The following HDX variants were observed in gnomAD, a reference collection of about 807,000 sequenced individuals.
HDX encodes chromosome X open reading frame 43.
A neutral mutation model predicts 45.2 loss-of-function variants in HDX; 19 were observed. That is an observed-to-expected ratio of 0.42 (90% CI 0.29 to 0.62). HDX has a LOEUF of 0.62. HDX is among the 20% of genes least tolerant of loss of function. The pLI, the probability that HDX is intolerant of heterozygous loss-of-function variation, is 0.20. For synonymous variants in HDX, 188 were observed against 172.8 expected (o/e 1.09, Z -0.69); for missense variants, 532 against 493.9 (o/e 1.08, Z -0.73).
At chrX:84,430,300 T>A (rs1243703817) in intron 5 of HDX, among the ~76,000 whole-genome samples, 1 of 111,214 alleles carries the variant, frequency 9.0e-6, no homozygotes, top group East Asian at 2.8e-4. Flanking sequence ...TTATTTTATT[T>A]AAAATAATGT....
At chrX:84,367,081 C>G (rs994398555) in intron 5 of HDX, among the ~76,000 whole-genome samples, 1 of 111,150 alleles carries the variant, frequency 9.0e-6, no homozygotes, top group East Asian at 2.9e-4. Context: ...AATGGGAGAA[C>G]ATTTTTGCAA....
chrX:84,344,887 T>C (rs1362198088), intron 6 of HDX, among the ~76,000 whole-genome samples: 1 of 111,289 alleles, frequency 9.0e-6, no homozygotes, highest in Non-Finnish European at 1.9e-5. Flanking sequence ...CTTTTTTCTG[T>C]TTTTGTTTTG....
chrX:84,397,561 G>A (rs2038594472), intron 5 of HDX, among the ~76,000 whole-genome samples: 1 of 111,266 alleles, frequency 9.0e-6, no homozygotes, highest in African/African-American at 3.3e-5. Context: ...ACATTTGGGA[G>A]TCTCACCAGT....
At chrX:84,345,738 C>T (rs748132250) in intron 6 of HDX, among the ~76,000 whole-genome samples, 3 of 111,558 alleles carry the variant, frequency 2.7e-5, no homozygotes, top group Non-Finnish European at 3.8e-5. Flanking sequence ...GGCCATTTTA[C>T]ATTCTTATCA....
At chrX:84,338,423 T>C (rs1275155743) in intron 7 of HDX, among the ~76,000 whole-genome samples, 1 of 110,636 alleles carries the variant, frequency 9.0e-6, no homozygotes, top group East Asian at 2.9e-4. Flanking sequence ...CAAATTAACA[T>C]ATCCATTATC....
At chrX:84,389,242 G>A (rs918132822) in intron 5 of HDX, among the ~76,000 whole-genome samples, 11 of 111,652 alleles carry the variant, frequency 9.9e-5, no homozygotes, top group African/African-American at 3.6e-4. Flanking sequence ...TTTGCTCTTC[G>A]GCTTTCTCAG....
Position 84,391,829 on chromosome X carries a change from C to T in HDX, c.1306-30217G>A, listed in dbSNP as rs1006537474. Among the ~76,000 whole-genome samples, 3 of 111,566 alleles carry T rather than the reference C, an allele frequency of 2.7e-5. No individual in the cohort carries two copies. In the East Asian group the frequency reaches 8.4e-4, roughly 31 times the overall value. ...GAGTTATTAGAGTCCCTTGTATATT[C>T]TGGATATTAGTCCCTTATCAAATGA... On this transcript the variant is annotated intron_variant, in intron 5 of 10. Transcript: ENST00000373177.
At chrX:84,406,053 C>T (rs2050580667) in intron 5 of HDX, among the ~76,000 whole-genome samples, 1 of 110,406 alleles carries the variant, frequency 9.1e-6, no homozygotes, top group Non-Finnish European at 1.9e-5. Flanking sequence ...AATATGTGTC[C>T]GTGAATCTGT....
intron 5 of HDX, among the ~76,000 whole-genome samples, chrX:84,388,959 T>C (rs1294445281): frequency 1.8e-5 from 2 of 111,758 alleles, no homozygotes; most frequent in Admixed American, 1.9e-4. Flanking sequence ...AACTGTGGTG[T>C]AAGTTGAGTA....
At chrX:84,410,888 A>T (rs2038967142) in intron 5 of HDX, among the ~76,000 whole-genome samples, 1 of 111,294 alleles carries the variant, frequency 9.0e-6, no homozygotes, top group Non-Finnish European at 1.9e-5. Context: ...TTCTGATTAA[A>T]TCTTGGAGGG....
intron 4 of HDX, among the ~76,000 whole-genome samples, chrX:84,466,434 G>A (rs1162955363): frequency 8.9e-6 from 1 of 112,058 alleles, no homozygotes; most frequent in African/African-American, 3.2e-5. Flanking sequence ...AAGTGGCAGA[G>A]CTTGAATTTG....
rs760571301 is a variant in HDX, at chrX:84,334,900, A to ATGTG, written c.1741-1062_1741-1059dup. ...TTTGAAATCAGGCTTCCTACTCTGT[A>ATGTG]TGTGTGTGTGTGTGTGTGTGTATAC... On this transcript the variant is annotated intron_variant, in intron 8 of 10. Transcript: ENST00000373177. 7.4e-5 allele frequency among the ~76,000 whole-genome samples: 8 copies of ATGTG among 107,903 alleles called. No individual in the cohort carries two copies. The South Asian group carries it at 2.3e-3, about 31-fold the overall frequency. The allele number at this position is 107,903 out of a possible 115,157, so 93.7% of individuals were successfully genotyped here. A position where few individuals can be genotyped will look rare whatever the true frequency, so the allele number is the denominator to read the frequency against.
At chrX:84,353,788 G>A (rs1241412021) in intron 6 of HDX, among the ~76,000 whole-genome samples, 1 of 111,419 alleles carries the variant, frequency 9.0e-6, no homozygotes, top group African/African-American at 3.3e-5. Flanking sequence ...AGCGTCTGAA[G>A]TTTCCATCCT....
At chrX:84,465,984 G>A (rs779634875) in intron 4 of HDX, among the ~76,000 whole-genome samples, 10 of 111,481 alleles carry the variant, frequency 9.0e-5, no homozygotes, top group Non-Finnish European at 1.5e-4. Flanking sequence ...GAAAAGTTGA[G>A]GTAAAGTGAT....
intron 4 of HDX, 66 bp downstream of exon 4, chrX:84,468,406 G>T: frequency 1.7e-5 from 12 of 711,844 alleles, no homozygotes; most frequent in South Asian, 3.3e-5. Flanking sequence ...AAGTGATCCA[G>T]GTCCCAAATC....
At chrX:84,436,081 T>C (rs1284355336) in intron 5 of HDX, among the ~76,000 whole-genome samples, 428 of 73,989 alleles carry the variant, frequency 5.8e-3, no homozygotes, top group African/African-American at 9.3e-3. Flanking sequence ...ATATACACCA[T>C]GGAATACTAT....
intron 10 of HDX, among the ~76,000 whole-genome samples, chrX:84,325,093 G>T (rs1388959815): frequency 9.0e-6 from 1 of 110,610 alleles, no homozygotes; most frequent in Non-Finnish European, 1.9e-5. Context: ...AGTAAAATTC[G>T]TGAAACTTGA....
chrX:84,428,970 C>T (rs190398123), intron 5 of HDX, among the ~76,000 whole-genome samples: 1 of 110,285 alleles, frequency 9.1e-6, no homozygotes, highest in African/African-American at 3.3e-5. Flanking sequence ...GAAAAGACTA[C>T]CCTGTTTCCA....
At chrX:84,403,324 G>A (rs183782767) in intron 5 of HDX, among the ~76,000 whole-genome samples, 1 of 111,043 alleles carries the variant, frequency 9.0e-6, no homozygotes, top group Admixed American at 9.7e-5. Flanking sequence ...CTATGTAATA[G>A]TAAACAAAGC....
Sources: gnomAD v4.1 joint callset for allele counts (sites outside exome capture counted in the v4.1 genomes callset) on GRCh38, gnomAD v4.1.1 for gene constraint, MANE v1.5 for transcripts, NCBI Gene and HGNC (gene_info 2026-07-23, HGNC 2026-07-21) for gene names.